KSR2: variants seen among roughly 807,000 people sequenced by gnomAD.
The protein encoded by KSR2 is kinase suppressor of ras 2.
A neutral mutation model predicts 107.8 loss-of-function variants in KSR2; 25 were observed. That is an observed-to-expected ratio of 0.23 (90% CI 0.17 to 0.32). The LOEUF is 0.32. Among genes scored for constraint, KSR2 ranks in the 10% least tolerant of loss-of-function variants. The pLI is 1.00. For synonymous variants in KSR2, 480 were observed against 507.0 expected (o/e 0.95, Z 0.71); for missense variants, 887 against 1,268.9 (o/e 0.70, Z 4.57).
intron 1 of KSR2, among the ~76,000 whole-genome samples, chr12:117,867,636 G>A (rs1893518588): frequency 6.6e-6 from 1 of 152,224 alleles, no homozygotes; most frequent in Non-Finnish European, 1.5e-5. Context: ...CTAGTCAGCT[G>A]AAGGATAAGA....
intron 14 of KSR2, among the ~76,000 whole-genome samples, chr12:117,489,259 C>G (rs915964132): frequency 2.0e-5 from 3 of 152,070 alleles, no homozygotes; most frequent in African/African-American, 7.2e-5. Context: ...TGGATACATA[C>G]TTAGTGGAAA....
intron 4 of KSR2, among the ~76,000 whole-genome samples, chr12:117,673,889 CA>C (rs1885015423): frequency 6.6e-6 from 1 of 152,142 alleles, no homozygotes; most frequent in African/African-American, 2.4e-5. Flanking sequence ...TTAGGTGGCA[CA>C]AAACATTAGA....
chr12:117,828,982 A>G (rs1891857535), intron 3 of KSR2, among the ~76,000 whole-genome samples: 1 of 152,214 alleles, frequency 6.6e-6, no homozygotes, highest in Non-Finnish European at 1.5e-5. Flanking sequence ...CAGGTCGGCC[A>G]GCTTCAAAGC....
intron 4 of KSR2, among the ~76,000 whole-genome samples, chr12:117,725,704 C>T (rs1887398233): frequency 6.6e-6 from 1 of 152,128 alleles, no homozygotes; most frequent in South Asian, 2.1e-4. Context: ...AATTCCAGCA[C>T]TTTGGAACAC....
At chr12:117,772,038 C>G (rs1323708360) in intron 3 of KSR2, among the ~76,000 whole-genome samples, 1 of 149,380 alleles carries the variant, frequency 6.7e-6, no homozygotes, top group Non-Finnish European at 1.5e-5. Flanking sequence ...ACCATTCCAC[C>G]AAAGACGCAC....
chr12:117,640,851 T>C (rs1399157554), intron 5 of KSR2, among the ~76,000 whole-genome samples: 2 of 152,118 alleles, frequency 1.3e-5, no homozygotes, highest in Non-Finnish European at 2.9e-5. Context: ...TGATGAGCAA[T>C]TTCACAGCTG....
intron 3 of KSR2, among the ~76,000 whole-genome samples, chr12:117,786,238 C>T (rs567417330): frequency 3.3e-5 from 5 of 152,142 alleles, no homozygotes; most frequent in South Asian, 2.1e-4. Context: ...TTTTTTCAAT[C>T]GTATTTTCCA....
chr12:117,917,816 T>C (rs1431098339), intron 1 of KSR2, among the ~76,000 whole-genome samples: 1 of 152,074 alleles, frequency 6.6e-6, no homozygotes, highest in Non-Finnish European at 1.5e-5. Context: ...AGGATGAAAA[T>C]AGGCAACTCA....
chr12:117,623,013 A>G (rs1260715802), intron 5 of KSR2, among the ~76,000 whole-genome samples: 1 of 152,194 alleles, frequency 6.6e-6, no homozygotes, highest in Non-Finnish European at 1.5e-5. Context: ...TAACAGTCAG[A>G]GCTGACATGA....
At chr12:117,755,918 T>C (rs1486053505) in intron 4 of KSR2, among the ~76,000 whole-genome samples, 1 of 152,184 alleles carries the variant, frequency 6.6e-6, no homozygotes, top group African/African-American at 2.4e-5. Context: ...GTTTTAGTGG[T>C]CTGGATGGAA....
At chr12:117,678,930 G>C (rs1885253536) in intron 4 of KSR2, among the ~76,000 whole-genome samples, 1 of 152,188 alleles carries the variant, frequency 6.6e-6, no homozygotes, top group South Asian at 2.1e-4. Flanking sequence ...CAGCAGACAA[G>C]GTCTGCTGAG....
At chr12:117,677,916 C>T (rs1885204905) in intron 4 of KSR2, among the ~76,000 whole-genome samples, 1 of 151,812 alleles carries the variant, frequency 6.6e-6, no homozygotes, top group South Asian at 2.1e-4. Context: ...GATGAAGAAA[C>T]CGAGTCCAGA....
Position 117,903,573 on chromosome 12 carries a change from T to C in KSR2, c.181-43142A>G, listed in dbSNP as rs189830622. Reference sequence around the variant, plus strand: ...CCTGCCTGGGGGCAAACAGCTCAAATATCCCAGTCAAACCTCTACCATATC... The same window carrying C: ...CCTGCCTGGGGGCAAACAGCTCAAACATCCCAGTCAAACCTCTACCATATC... On this transcript the variant is annotated intron_variant, in intron 1 of 19. Coordinates refer to ENST00000339824, the MANE Select transcript of KSR2 (RefSeq NM_173598.6). 3.5e-3 allele frequency among the ~76,000 whole-genome samples: 535 copies of C among 152,342 alleles called. 3 individuals carry two copies. Among genetic ancestry groups the C allele is most frequent in the African/African-American group, 0.012 (514 of 41,580 alleles).
intron 3 of KSR2, among the ~76,000 whole-genome samples, chr12:117,788,907 C>G (rs1471628558): frequency 6.6e-6 from 1 of 152,210 alleles, no homozygotes; most frequent in Non-Finnish European, 1.5e-5. Flanking sequence ...AAAGGAAGCT[C>G]TAGGCTAGTG....
At chr12:117,717,720 C>T (rs36064492) in intron 4 of KSR2, among the ~76,000 whole-genome samples, 15,620 of 149,718 alleles carry the variant, frequency 0.1, 867 homozygotes, top group Middle Eastern at 0.18. Context: ...TGTGCATGCG[C>T]GCGCGTGCAT....
Position 117,510,296 on chromosome 12 carries a change from T to C in KSR2, c.2219+14556A>G, listed in dbSNP as rs77645747. Among the ~76,000 whole-genome samples, 888 of 152,354 alleles carry C rather than the reference T, an allele frequency of 5.8e-3. 2 individuals carry two copies. The highest frequency in any genetic ancestry group is 0.014 in the Middle Eastern group (4 of 294). ...ATTATTACTACGTGATTTAAAAGAT[T>C]ATTCCACTTTTCTGTAGTCTTGGTT... On this transcript the variant is annotated intron_variant, in intron 14 of 19. Coordinates refer to ENST00000339824, the MANE Select transcript of KSR2 (RefSeq NM_173598.6).
intron 3 of KSR2, among the ~76,000 whole-genome samples, chr12:117,835,469 C>T (rs537803601): frequency 6.6e-6 from 1 of 152,280 alleles, no homozygotes; most frequent in Non-Finnish European, 1.5e-5. Context: ...TACAGAACCT[C>T]AGTGTTCACA....
chr12:117,490,728 C>T (rs958885814), intron 14 of KSR2, among the ~76,000 whole-genome samples: 11 of 152,034 alleles, frequency 7.2e-5, no homozygotes, highest in Non-Finnish European at 1.3e-4. Flanking sequence ...AAGGTATCTT[C>T]AATGATTTAA....
intron 14 of KSR2, among the ~76,000 whole-genome samples, chr12:117,498,180 C>T (rs992808640): frequency 3.9e-5 from 6 of 152,186 alleles, no homozygotes; most frequent in South Asian, 2.1e-4. Context: ...TTCATAAGCT[C>T]GCCAGGAAAA....
Sources: gnomAD v4.1 joint callset for allele counts (sites outside exome capture counted in the v4.1 genomes callset) on GRCh38, gnomAD v4.1.1 for gene constraint, MANE v1.5 for transcripts, NCBI Gene and HGNC (gene_info 2026-07-23, HGNC 2026-07-21) for gene names.